The following DCAF8L2 variants were observed in gnomAD, a reference collection of about 807,000 sequenced individuals.
The protein encoded by DCAF8L2 is DDB1 and CUL4 associated factor 8 like 2.
For missense variants in DCAF8L2, 430 were observed against 490.7 expected, an observed-to-expected ratio of 0.88 and a Z score of 1.17; for synonymous variants, 200 against 190.9, an observed-to-expected ratio of 1.05 and a Z score of -0.39.
At chrX:27,561,554 T>C in the DCAF8L2 span, among the ~76,000 whole-genome samples, 1 of 111,114 alleles carries the variant, frequency 9.0e-6, no homozygotes, top group African/African-American at 3.3e-5. Flanking sequence ...GTATTTTTGT[T>C]CCCCTTGAAA....
At chrX:27,592,810 T>C (rs1926176685) in intron 1 of DCAF8L2, among the ~76,000 whole-genome samples, 1 of 108,048 alleles carries the variant, frequency 9.3e-6, no homozygotes, top group Non-Finnish European at 1.9e-5. Context: ...ACCTTTTTTT[T>C]TTTTTTGAGA....
At position 27,716,084 on chromosome X, in the gene DCAF8L2, T is replaced by G. The variant is rs1931692200; in HGVS notation, c.-142-4T>G. 1 of 112,275 alleles carries G rather than the reference T, an allele frequency of 8.9e-6. No individual in the cohort carries two copies. Among genetic ancestry groups the G allele is most frequent in the Admixed American group, 9.4e-5 (1 of 10,585 alleles). 9.3% of individuals were successfully genotyped at this position (112,275 alleles called of 1,213,427 possible). ...CACTAAAACAATTTATTTTATCCTG[T>G]TAGGAAGCTGCACTGTTGCAGAGGT... On this transcript the variant is annotated splice_polypyrimidine_tract_variant and splice_region_variant and intron_variant, in intron 3 of 4. Coordinates refer to ENST00000451261, the MANE Select transcript of DCAF8L2 (RefSeq NM_001353450.2).
At chrX:27,582,721 G>A in the DCAF8L2 span, among the ~76,000 whole-genome samples, 10 of 111,069 alleles carry the variant, frequency 9.0e-5, no homozygotes, top group African/African-American at 3.3e-4. Context: ...CAGGGATATT[G>A]TGCTCTCTTT....
chrX:27,654,037 G>A (rs952295668), intron 2 of DCAF8L2, among the ~76,000 whole-genome samples: 2 of 111,074 alleles, frequency 1.8e-5, no homozygotes, highest in African/African-American at 6.5e-5. Flanking sequence ...AGCTTGGTGT[G>A]ACCATGTGAC....
At position 27,667,409 on chromosome X, in the gene DCAF8L2, G is replaced by C. The variant is rs771374299; in HGVS notation, c.-219-10427G>C. 4.5e-5 allele frequency among the ~76,000 whole-genome samples: 5 copies of C among 111,644 alleles called. No individual in the cohort carries two copies. In the South Asian group the frequency reaches 1.9e-3, roughly 41 times the overall value. On this transcript the variant is annotated intron_variant, in intron 2 of 4. Coordinates refer to ENST00000451261, the MANE Select transcript of DCAF8L2 (RefSeq NM_001353450.2). The stretch of plus-strand genomic sequence containing the variant: ...ATAACCCCCAAATAAATAAAGAAAT[G>C]TACTAAGCAAAAATAAAGCTAAAAG...
At chrX:27,624,908 C>T (rs377455462) in intron 1 of DCAF8L2, among the ~76,000 whole-genome samples, 19 of 111,682 alleles carry the variant, frequency 1.7e-4, no homozygotes, top group East Asian at 1.1e-3. Context: ...TGGAATATAA[C>T]CTAGGAAATA....
the DCAF8L2 span, among the ~76,000 whole-genome samples, chrX:27,550,597 C>G: frequency 9.0e-6 from 1 of 111,052 alleles, no homozygotes; most frequent in African/African-American, 3.3e-5. Flanking sequence ...ACTATAGTTA[C>G]CCTACCATGT....
chrX:27,685,174 G>A (rs1033259852), intron 3 of DCAF8L2, among the ~76,000 whole-genome samples: 4 of 111,598 alleles, frequency 3.6e-5, no homozygotes, highest in Non-Finnish European at 5.6e-5. Flanking sequence ...AAATCAAGAC[G>A]AGTTTTTGTT....
At chrX:27,569,857 C>T in the DCAF8L2 span, among the ~76,000 whole-genome samples, 1 of 111,197 alleles carries the variant, frequency 9.0e-6, no homozygotes, top group Non-Finnish European at 1.9e-5. Context: ...CTCTCAGGGC[C>T]TCAGTTTTGT....
chrX:27,710,895 G>A (rs983868166), intron 3 of DCAF8L2, among the ~76,000 whole-genome samples: 3 of 111,540 alleles, frequency 2.7e-5, no homozygotes, highest in African/African-American at 9.7e-5. Flanking sequence ...GTAGATGCCC[G>A]TTATCTAATT....
At chrX:27,547,962 T>A in the DCAF8L2 span, among the ~76,000 whole-genome samples, 27 of 104,506 alleles carry the variant, frequency 2.6e-4, no homozygotes, top group African/African-American at 9.5e-4. Flanking sequence ...ACACCATGAT[T>A]ATAAGCTTCC....
chrX:27,498,028 T>TTG, the DCAF8L2 span, among the ~76,000 whole-genome samples: 3 of 112,380 alleles, frequency 2.7e-5, no homozygotes, highest in African/African-American at 9.7e-5. Flanking sequence ...TACTATTCCA[T>TTG]TGTGTGTGTG....
intron 1 of DCAF8L2, among the ~76,000 whole-genome samples, chrX:27,593,643 C>A (rs1439940865): frequency 2.7e-5 from 3 of 111,344 alleles, no homozygotes; most frequent in Admixed American, 9.6e-5. Context: ...ACTTCATAGG[C>A]CTATTGCTTG....
chrX:27,529,241 T>G, the DCAF8L2 span, among the ~76,000 whole-genome samples: 1 of 111,609 alleles, frequency 9.0e-6, no homozygotes, highest in Non-Finnish European at 1.9e-5. Context: ...CCATCCTGGA[T>G]GGCACTGAAC....
intron 3 of DCAF8L2, among the ~76,000 whole-genome samples, chrX:27,709,644 T>G (rs2147280020): frequency 8.9e-6 from 1 of 111,946 alleles, no homozygotes; most frequent in South Asian, 3.7e-4. Flanking sequence ...TTAGCAAATC[T>G]TAATTCCATC....
the DCAF8L2 span, among the ~76,000 whole-genome samples, chrX:27,492,839 A>G: frequency 8.9e-6 from 1 of 112,377 alleles, no homozygotes. Flanking sequence ...GTAACTTTTC[A>G]TTTCCACCAG....
chrX:27,612,113 T>C (rs1927214712), intron 1 of DCAF8L2, among the ~76,000 whole-genome samples: 1 of 111,685 alleles, frequency 9.0e-6, no homozygotes, highest in Admixed American at 9.5e-5. Context: ...TCTTGTTTCC[T>C]GACTTTTTAA....
intron 2 of DCAF8L2, among the ~76,000 whole-genome samples, chrX:27,642,625 A>G (rs1928782487): frequency 9.0e-6 from 1 of 111,182 alleles, no homozygotes; most frequent in South Asian, 3.8e-4. Context: ...TCATCTTCCC[A>G]TATTTCCATG....
chrX:27,497,819 G>A, the DCAF8L2 span, among the ~76,000 whole-genome samples: 2 of 111,454 alleles, frequency 1.8e-5, no homozygotes, highest in South Asian at 3.7e-4. Context: ...TGCCCGCCTC[G>A]GCCTCCCAAA....
Sources: allele counts gnomAD v4.1 joint callset (sites outside exome capture counted in the v4.1 genomes callset), GRCh38; gene constraint gnomAD v4.1.1; transcripts MANE v1.5; gene names NCBI Gene and HGNC (gene_info 2026-07-23, HGNC 2026-07-21).